Variants in SOCS2 observed in about 807,000 individuals in gnomAD.
SOCS2 encodes suppressor of cytokine signaling 2, also known as CIS-2.
SOCS2 carries 10 observed loss-of-function variants against 18.6 expected under a neutral mutation model. The observed-to-expected ratio is 0.54, with a 90% CI of 0.33 to 0.91. SOCS2 has a LOEUF of 0.91. Ranked by LOEUF, SOCS2 falls within the 40% of genes least tolerant of loss-of-function variation. SOCS2 has a pLI of 0.02. For synonymous variants in SOCS2, 104 were observed against 104.0 expected (o/e 1.00, Z 0.00); for missense variants, 231 against 247.2 (o/e 0.93, Z 0.44).
chr12:93,623,072 C>G, the SOCS2 span, among the ~76,000 whole-genome samples: 1 of 152,212 alleles, frequency 6.6e-6, no homozygotes, highest in African/African-American at 2.4e-5. Context: ...GCATTTGGCT[C>G]TTTGTCCCCA....
At chr12:93,581,674 T>C (rs1339779808), downstream of SOCS2, among the ~76,000 whole-genome samples, 1 of 152,174 alleles carries the variant, frequency 6.6e-6, no homozygotes, top group African/African-American at 2.4e-5. Context: ...CTCTTTTTTT[T>C]TCTTCCTCCC....
chr12:93,610,926 CTT>C, the SOCS2 span, among the ~76,000 whole-genome samples: 1 of 152,164 alleles, frequency 6.6e-6, no homozygotes, highest in Non-Finnish European at 1.5e-5. Flanking sequence ...CTAAGACACA[CTT>C]TCACAATATC....
chr12:93,624,228 G>A, the SOCS2 span, among the ~76,000 whole-genome samples: 13 of 152,170 alleles, frequency 8.5e-5, no homozygotes, highest in African/African-American at 2.9e-4. Flanking sequence ...CACCAGACAC[G>A]AAACCTGCCA....
chr12:93,578,343 C>T (rs982234875), downstream of SOCS2, among the ~76,000 whole-genome samples: 2 of 152,140 alleles, frequency 1.3e-5, no homozygotes, highest in Non-Finnish European at 2.9e-5. Context: ...GAGACAGAGA[C>T]GTCATCTTCG....
At chr12:93,600,792 A>C in the SOCS2 span, among the ~76,000 whole-genome samples, 4 of 138,526 alleles carry the variant, frequency 2.9e-5, no homozygotes, top group Non-Finnish European at 6.3e-5. Context: ...TATTATTTTC[A>C]TTTTTTTTTT....
At chr12:93,621,400 C>A in the SOCS2 span, among the ~76,000 whole-genome samples, 26 of 152,290 alleles carry the variant, frequency 1.7e-4, no homozygotes, top group Non-Finnish European at 3.7e-4. Flanking sequence ...GAGGTGAAAT[C>A]TGAATCCAGA....
At chr12:93,591,447 G>C in the SOCS2 span, among the ~76,000 whole-genome samples, 1 of 152,200 alleles carries the variant, frequency 6.6e-6, no homozygotes, top group East Asian at 1.9e-4. Flanking sequence ...CTGTCTGTCT[G>C]TCTGCGGCAA....
downstream of SOCS2, among the ~76,000 whole-genome samples, chr12:93,580,178 C>G (rs1479594907): frequency 6.6e-6 from 1 of 152,186 alleles, no homozygotes; most frequent in Non-Finnish European, 1.5e-5. Flanking sequence ...TAAAATTTTC[C>G]TACATCTCCC....
chr12:93,585,384 G>T (rs76961550), downstream of SOCS2, among the ~76,000 whole-genome samples: 5,987 of 152,152 alleles, frequency 0.039, 162 homozygotes, highest in Middle Eastern at 0.085. Context: ...GAGAATCAGA[G>T]GATCTCTTAG....
At chr12:93,612,060 T>C in the SOCS2 span, among the ~76,000 whole-genome samples, 1 of 152,190 alleles carries the variant, frequency 6.6e-6, no homozygotes, top group Non-Finnish European at 1.5e-5. Flanking sequence ...CCAGGGAATG[T>C]TGTTCTTTGA....
chr12:93,609,704 A>G, the SOCS2 span, among the ~76,000 whole-genome samples: 3 of 152,234 alleles, frequency 2.0e-5, no homozygotes, highest in South Asian at 6.2e-4. Flanking sequence ...ACTTAAAAGC[A>G]GTAATTTATG....
chr12:93,574,914 G>T lies in SOCS2; in HGVS notation c.332G>T (p.Cys111Phe), dbSNP rs1954410221. Residue 111 changes from cysteine (C) to phenylalanine (F), a missense_variant, in exon 2 of 2, where the codon TGT becomes TTT. Cys to Phe is a radical substitution (Grantham distance 205). Around this residue, in one of 3 missense-constraint regions of SOCS2, gnomAD observed 122 missense variants for 127.2 expected, o/e 0.96. Transcript: ENST00000551556. ...DGKFRLDSII[C>F]VKSKLKQFDS... ...AAATTCAGATTGGACTCTATCATAT[G>T]TGTCAAATCCAAGCTTAAACAATTT... is the stretch of plus-strand genomic sequence containing the variant. 3 of 1,614,180 alleles carry T rather than the reference G, an allele frequency of 1.9e-6. No individual in the cohort carries two copies. The highest frequency in any genetic ancestry group is 1.1e-5 in the South Asian group (1 of 91,084).
chr12:93,620,114 C>T, the SOCS2 span, among the ~76,000 whole-genome samples: 1 of 152,018 alleles, frequency 6.6e-6, no homozygotes, highest in African/African-American at 2.4e-5. Context: ...GTTTACTTAC[C>T]TGTCTTATAT....
the SOCS2 span, among the ~76,000 whole-genome samples, chr12:93,605,285 G>GTA: frequency 2.0e-5 from 3 of 151,992 alleles, no homozygotes; most frequent in Non-Finnish European, 4.4e-5. Flanking sequence ...TATAACTAAC[G>GTA]TATATAAGAT....
the SOCS2 span, among the ~76,000 whole-genome samples, chr12:93,590,749 A>T: frequency 7.9e-6 from 1 of 126,444 alleles, no homozygotes; most frequent in South Asian, 2.8e-4. Flanking sequence ...GCGCCACTGC[A>T]CTCCAGCCTG....
the SOCS2 span, among the ~76,000 whole-genome samples, chr12:93,602,474 C>T: frequency 6.6e-6 from 1 of 152,130 alleles, no homozygotes; most frequent in Admixed American, 6.6e-5. Context: ...AGTCATGTGA[C>T]CTGTACAACA....
the SOCS2 span, among the ~76,000 whole-genome samples, chr12:93,620,484 C>G: frequency 6.6e-6 from 1 of 151,930 alleles, no homozygotes. Context: ...GGCACGATCT[C>G]GACTCACTGC....
At chr12:93,585,312 T>G (rs1954577243), downstream of SOCS2, among the ~76,000 whole-genome samples, 1 of 152,142 alleles carries the variant, frequency 6.6e-6, no homozygotes, top group African/African-American at 2.4e-5. Flanking sequence ...AGAACCAGGC[T>G]GATGAAGCAG....
the SOCS2 span, among the ~76,000 whole-genome samples, chr12:93,607,645 A>G: frequency 6.6e-6 from 1 of 152,232 alleles, no homozygotes; most frequent in Non-Finnish European, 1.5e-5. Flanking sequence ...CAAAATTCAC[A>G]GGGATGCCAA....
Sources: gnomAD v4.1 joint callset for allele counts (sites outside exome capture counted in the v4.1 genomes callset) on GRCh38, gnomAD v4.1.1 for gene constraint, gnomAD v4.1.1 regional missense constraint, MANE v1.5 for transcripts, NCBI Gene and HGNC (gene_info 2026-07-23, HGNC 2026-07-21) for gene names.